The following BNC2 variants were observed in gnomAD, a reference collection of about 807,000 sequenced individuals.
BNC2 encodes basonuclin zinc finger protein 2.
In BNC2, 20 loss-of-function variants were observed where a neutral mutation model predicts 76.3. The observed-to-expected ratio is 0.26, with a 90% CI of 0.18 to 0.38. The LOEUF is 0.38. Ranked by LOEUF, BNC2 falls within the 10% of genes least tolerant of loss-of-function variation. The pLI, the probability that BNC2 is intolerant of heterozygous loss-of-function variation, is 1.00. For synonymous variants in BNC2, 582 were observed against 514.8 expected (o/e 1.13, Z -1.77); for missense variants, 1,382 against 1,399.8 (o/e 0.99, Z 0.20).
chr9:16,656,937 G>A (rs1563882980), intron 3 of BNC2, among the ~76,000 whole-genome samples: 2 of 152,208 alleles, frequency 1.3e-5, no homozygotes, highest in Admixed American at 1.3e-4. Flanking sequence ...GTATGAGCTA[G>A]GGAGAAGGAC....
At chr9:16,853,057 G>T (rs573026456) in intron 1 of BNC2, among the ~76,000 whole-genome samples, 3 of 152,298 alleles carry the variant, frequency 2.0e-5, no homozygotes, top group African/African-American at 7.2e-5. Flanking sequence ...TCAACCTGTG[G>T]ATAGTCTTCT....
rs114218857 is a variant in BNC2 at position 16,659,952 on chromosome 9, A to G, written c.330+67845T>C. 2.0e-3 allele frequency among the ~76,000 whole-genome samples: 312 copies of G among 152,330 alleles called. 2 individuals carry two copies. Among genetic ancestry groups the G allele is most frequent in the African/African-American group, 7.2e-3 (298 of 41,564 alleles). On this transcript the variant is annotated intron_variant, in intron 3 of 6. Coordinates refer to ENST00000380672, the MANE Select transcript of BNC2 (RefSeq NM_017637.6). Reference sequence around the variant, plus strand: ...TGTTACACTGTACCTCCAGCAACCAAATAGATGCCTGAAACAGAATTATAT... The same window carrying G: ...TGTTACACTGTACCTCCAGCAACCAGATAGATGCCTGAAACAGAATTATAT...
At chr9:16,572,251 G>C (rs534631842) in intron 4 of BNC2, among the ~76,000 whole-genome samples, 10 of 152,200 alleles carry the variant, frequency 6.6e-5, no homozygotes, top group Non-Finnish European at 1.3e-4. Flanking sequence ...TGTTTGGGCT[G>C]CTAAAACCTC....
chr9:16,689,580 T>A (rs908653581), intron 3 of BNC2, among the ~76,000 whole-genome samples: 1 of 151,606 alleles, frequency 6.6e-6, no homozygotes, highest in African/African-American at 2.4e-5. Flanking sequence ...TGTGTTTTGG[T>A]GGCTTCAGTC....
intron 5 of BNC2, among the ~76,000 whole-genome samples, chr9:16,454,006 T>C (rs564742442): frequency 1.5e-4 from 23 of 152,284 alleles, no homozygotes; most frequent in African/African-American, 3.8e-4. Flanking sequence ...CACCAACGTT[T>C]TGCTTATGCT....
At chr9:16,429,841 G>A (rs1048924543) in intron 6 of BNC2, 3 of 456,290 alleles carry the variant, frequency 6.6e-6, no homozygotes, top group South Asian at 4.7e-5. Flanking sequence ...TTCTTGTAGT[G>A]GAGGAGTGAA....
intron 3 of BNC2, 43 bp downstream of exon 3, chr9:16,727,754 C>CT (rs755713272): frequency 1.7e-5 from 26 of 1,558,352 alleles, no homozygotes; most frequent in Non-Finnish European, 2.1e-5. Context: ...TTCAAGGTTT[C>CT]TTAAAAAAAA....
intron 5 of BNC2, among the ~76,000 whole-genome samples, chr9:16,441,182 T>C (rs561270779): frequency 1.3e-5 from 2 of 152,192 alleles, no homozygotes; most frequent in South Asian, 2.1e-4. Context: ...TCCGTGCCTA[T>C]AGTCCTAGCT....
At chr9:16,834,407 T>C (rs992124490) in intron 1 of BNC2, among the ~76,000 whole-genome samples, 1 of 152,202 alleles carries the variant, frequency 6.6e-6, no homozygotes, top group Non-Finnish European at 1.5e-5. Context: ...CCTTTCCCTG[T>C]GTTGGTAGCA....
chr9:16,649,084 G>C (rs955164853), intron 3 of BNC2, among the ~76,000 whole-genome samples: 15 of 152,120 alleles, frequency 9.9e-5, no homozygotes, highest in African/African-American at 2.4e-4. Flanking sequence ...CCCATGCTTT[G>C]TACACTACTG....
intron 3 of BNC2, among the ~76,000 whole-genome samples, chr9:16,686,848 G>A (rs977199985): frequency 6.6e-6 from 1 of 152,094 alleles, no homozygotes; most frequent in African/African-American, 2.4e-5. Flanking sequence ...AACATTTTTA[G>A]GTCCAGTTCT....
At chr9:16,454,750 T>C (rs1253969161) in intron 5 of BNC2, among the ~76,000 whole-genome samples, 1 of 152,190 alleles carries the variant, frequency 6.6e-6, no homozygotes, top group African/African-American at 2.4e-5. Flanking sequence ...CTAAAACCTG[T>C]TTTTCAATGT....
chr9:16,764,739 G>GTT (rs77160699), intron 1 of BNC2, among the ~76,000 whole-genome samples: 120,126 of 149,352 alleles, frequency 0.8, 49,854 homozygotes, highest in East Asian at 0.94. Flanking sequence ...TTATTTGTCT[G>GTT]TTTTTTTTTT....
At chr9:16,517,136 T>A (rs1817466691) in intron 5 of BNC2, among the ~76,000 whole-genome samples, 1 of 152,182 alleles carries the variant, frequency 6.6e-6, no homozygotes, top group Non-Finnish European at 1.5e-5. Flanking sequence ...TAGATTGAGA[T>A]AAGATTCAAA....
At chr9:16,836,361 C>CAT (rs771535806) in intron 1 of BNC2, among the ~76,000 whole-genome samples, 6 of 151,876 alleles carry the variant, frequency 4.0e-5, no homozygotes, top group Non-Finnish European at 7.4e-5. Context: ...CAAACGAATG[C>CAT]ATATATAAAG....
At chr9:16,741,124 G>A (rs778858433) in intron 1 of BNC2, among the ~76,000 whole-genome samples, 1 of 152,150 alleles carries the variant, frequency 6.6e-6, no homozygotes, top group Admixed American at 6.5e-5. Context: ...AGACATGATA[G>A]GAAGGAATCG....
chr9:16,768,685 C>G (rs1374258305), intron 1 of BNC2, among the ~76,000 whole-genome samples: 2 of 152,104 alleles, frequency 1.3e-5, no homozygotes, highest in Non-Finnish European at 2.9e-5. Context: ...ACCAGAGAGA[C>G]AGAGAAGTGG....
In BNC2 at chr9:16,701,938, C is replaced by CAAAAA. The variant is rs5896700; in HGVS notation, c.330+25854_330+25858dup. On this transcript the variant is annotated intron_variant, in intron 3 of 6. Transcript: ENST00000380672. ...GCCTGGGTGACAGAACGAGACTCTC[C>CAAAAA]AAAAAAAAAAAAAAAAAAAGACCAA... Among the ~76,000 whole-genome samples the CAAAAA allele has an allele frequency of 7.8e-4, 71 of 91,500 alleles. 2 individuals carry two copies. The highest frequency in any genetic ancestry group is 1.2e-3 in the Non-Finnish European group (64 of 52,666). 60.0% of individuals were successfully genotyped at this position (91,500 alleles called of 152,430 possible). A position where few individuals can be genotyped will look rare whatever the true frequency, so the allele number is the denominator to read the frequency against.
intron 4 of BNC2, among the ~76,000 whole-genome samples, chr9:16,555,127 C>T (rs1818784288): frequency 2.6e-5 from 4 of 152,134 alleles, no homozygotes; most frequent in Admixed American, 2.6e-4. Context: ...TCACGCCATT[C>T]TCCTGCCTCA....
Sources: gnomAD v4.1 joint callset for allele counts (sites outside exome capture counted in the v4.1 genomes callset) on GRCh38, gnomAD v4.1.1 for gene constraint, MANE v1.5 for transcripts, NCBI Gene and HGNC (gene_info 2026-07-23, HGNC 2026-07-21) for gene names.